HIVEP3: variants seen among roughly 807,000 people sequenced by gnomAD.
HIVEP3 encodes the protein transcription factor HIVEP3.
In HIVEP3, 49 loss-of-function variants were observed where a neutral mutation model predicts 152.8. The ratio of observed to expected loss-of-function variants is 0.32; its 90% CI spans 0.26 to 0.41. HIVEP3 has a LOEUF of 0.41. Among genes scored for constraint, HIVEP3 ranks in the 10% least tolerant of loss-of-function variants. The pLI is 1.00. For synonymous variants in HIVEP3, 1,269 were observed against 1,289.0 expected (o/e 0.98, Z 0.33); for missense variants, 2,790 against 3,103.3 (o/e 0.90, Z 2.40).
chr1:41,969,363 A>G (rs1342842868), intron 1 of HIVEP3, among the ~76,000 whole-genome samples: 1 of 152,214 alleles, frequency 6.6e-6, no homozygotes, highest in East Asian at 1.9e-4. Flanking sequence ...AAATAGACAC[A>G]TAGACCAATG....
At chr1:41,911,363 TAA>T (rs1409629744) in intron 1 of HIVEP3, among the ~76,000 whole-genome samples, 1 of 152,178 alleles carries the variant, frequency 6.6e-6, no homozygotes, top group Non-Finnish European at 1.5e-5. Flanking sequence ...CTACAAAATA[TAA>T]AGTTTTTGCA....
upstream of HIVEP3, among the ~76,000 whole-genome samples, chr1:41,922,868 GAA>G (rs939322560): frequency 7.2e-5 from 11 of 152,018 alleles, no homozygotes; most frequent in African/African-American, 2.7e-4. Context: ...GAAAAGGAAA[GAA>G]AGAGAGGATT....
At chr1:41,836,319 G>C (rs1328322807) in intron 1 of HIVEP3, among the ~76,000 whole-genome samples, 4 of 152,162 alleles carry the variant, frequency 2.6e-5, no homozygotes, top group African/African-American at 9.7e-5. Context: ...GAAGAACAAG[G>C]GAGGCATGGC....
intron 7 of HIVEP3, among the ~76,000 whole-genome samples, chr1:41,516,248 G>C (rs2149048459): frequency 6.8e-6 from 1 of 146,718 alleles, no homozygotes; most frequent in African/African-American, 2.5e-5. Flanking sequence ...CGCGCGGCGG[G>C]CGCCGCTGGG....
chr1:41,778,591 T>C (rs1648854959), intron 1 of HIVEP3, among the ~76,000 whole-genome samples: 1 of 152,128 alleles, frequency 6.6e-6, no homozygotes, highest in Non-Finnish European at 1.5e-5. Context: ...CGTTCTGACA[T>C]AGTTTTAGGG....
At position 41,555,755 on chromosome 1, in the gene HIVEP3, G is replaced by A. The variant is rs114559170; in HGVS notation, c.5207+19789C>T. ...CCAGAAAAATTTCCATTTTCCAAAC[G>A]GAAACTTTGTATCTGTTAAACACTC... On this transcript the variant is annotated intron_variant, in intron 5 of 8. Coordinates refer to ENST00000372583, the MANE Select transcript of HIVEP3 (RefSeq NM_024503.5). Among the ~76,000 whole-genome samples, 55 of 152,174 alleles carry A rather than the reference G, an allele frequency of 3.6e-4. 1 individual carries two copies. Among genetic ancestry groups the A allele is most frequent in the African/African-American group, 1.3e-3 (52 of 41,514 alleles).
chr1:41,848,426 C>T (rs1267887970), intron 1 of HIVEP3: 1 of 152,218 alleles, frequency 6.6e-6, no homozygotes, highest in Non-Finnish European at 1.5e-5. Flanking sequence ...ATGTGAAGGG[C>T]TCTTGGTCAT....
chr1:41,790,160 G>A (rs757075586), intron 1 of HIVEP3, among the ~76,000 whole-genome samples: 3 of 152,118 alleles, frequency 2.0e-5, no homozygotes, highest in Admixed American at 6.5e-5. Flanking sequence ...GGATCCCAGT[G>A]GTGGAGGTAA....
At chr1:41,619,497 A>ATGTAACTC (rs1645016095) in intron 3 of HIVEP3, among the ~76,000 whole-genome samples, 1 of 152,230 alleles carries the variant, frequency 6.6e-6, no homozygotes, top group Admixed American at 6.5e-5. Flanking sequence ...CCCTACCAGA[A>ATGTAACTC]TGTAACTCCA....
intron 1 of HIVEP3, among the ~76,000 whole-genome samples, chr1:41,842,834 G>A (rs532226436): frequency 6.6e-6 from 1 of 152,230 alleles, no homozygotes; most frequent in East Asian, 1.9e-4. Flanking sequence ...AGGCACTAAG[G>A]CCAGCAGCCT....
At chr1:41,751,547 G>A (rs1647163695) in intron 1 of HIVEP3, among the ~76,000 whole-genome samples, 4 of 152,144 alleles carry the variant, frequency 2.6e-5, no homozygotes, top group South Asian at 2.1e-4. Flanking sequence ...GGAAGTTCAC[G>A]AAATGAGCAG....
intron 2 of HIVEP3, among the ~76,000 whole-genome samples, chr1:41,674,644 C>T (rs1044568992): frequency 6.6e-6 from 1 of 152,194 alleles, no homozygotes; most frequent in Non-Finnish European, 1.5e-5. Context: ...CACAGGTGTC[C>T]TTTGTCCAGG....
chr1:41,925,410 C>G (rs1424962177), intron 1 of HIVEP3, among the ~76,000 whole-genome samples: 1 of 151,956 alleles, frequency 6.6e-6, no homozygotes, highest in African/African-American at 2.4e-5. Flanking sequence ...TAAGCTAGAG[C>G]AAAGAAAATA....
rs569217428 is a variant in HIVEP3, at chr1:41,771,286, C to T, written c.-800-70291G>A. ...GTGAAGACCTTACCTCCCCACCTCC[C>T]CCCACCCCCAAAAAATTAATTTACT... On this transcript the variant is annotated intron_variant, in intron 1 of 8. Transcript: ENST00000372583. 9.9e-5 allele frequency among the ~76,000 whole-genome samples: 15 copies of T among 152,222 alleles called. No homozygotes were observed. The South Asian group carries it at 1.9e-3, about 19-fold the overall frequency.
At chr1:41,836,481 G>A (rs538578048) in intron 1 of HIVEP3, among the ~76,000 whole-genome samples, 2 of 152,328 alleles carry the variant, frequency 1.3e-5, no homozygotes, top group South Asian at 4.1e-4. Context: ...CTTCCAGGAT[G>A]TTTCAGAACG....
intron 1 of HIVEP3, among the ~76,000 whole-genome samples, chr1:41,716,959 T>C (rs145485171): frequency 4.2e-3 from 634 of 152,356 alleles, no homozygotes; most frequent in African/African-American, 0.013. Flanking sequence ...ACGCACGTTG[T>C]GGAAGACGAG....
Position 41,580,930 on chromosome 1 carries a change from C to G in HIVEP3, c.3868G>C (p.Val1290Leu). 6.2e-7 allele frequency: 1 copy of G among 1,612,504 alleles called. No homozygotes were observed. The highest frequency in any genetic ancestry group is 8.5e-7 in the Non-Finnish European group (1 of 1,179,398). The change falls in exon 4 of 9, where the codon GTG becomes CTG. Residue 1290 changes from valine to leucine, a missense_variant. This residue lies in a region of HIVEP3 where 1,078 missense variants were observed against 1,165.3 expected (regional missense o/e 0.93). Transcript: ENST00000372583. ...EYSSDIRLPP[V>L]APPASSSAPT... ...GCTGAGGAGCTGGCTGGGGGAGCCA[C>G]AGGGGGTAGCCGGATGTCACTGCTG...
chr1:41,558,916 C>T (rs905254929), intron 5 of HIVEP3, among the ~76,000 whole-genome samples: 1 of 152,186 alleles, frequency 6.6e-6, no homozygotes, highest in Non-Finnish European at 1.5e-5. Context: ...TCACCACATT[C>T]TTGGGAGCCT....
At chr1:41,710,336 A>C (rs1228051920) in intron 1 of HIVEP3, among the ~76,000 whole-genome samples, 1 of 152,180 alleles carries the variant, frequency 6.6e-6, no homozygotes. Flanking sequence ...AGAGAAGAGC[A>C]AGGGTGTTCT....
Sources: gnomAD v4.1 joint callset for allele counts (sites outside exome capture counted in the v4.1 genomes callset) on GRCh38, gnomAD v4.1.1 for gene constraint, gnomAD v4.1.1 regional missense constraint, MANE v1.5 for transcripts, NCBI Gene and HGNC (gene_info 2026-07-23, HGNC 2026-07-21) for gene names.